Variants in EML6 observed in about 807,000 individuals in gnomAD.
EML6 encodes the protein EMAP like 6.
Under a neutral mutation model 240.1 loss-of-function variants are expected in EML6, and 154 were observed. The observed-to-expected ratio is 0.64, with a 90% confidence interval of 0.56 to 0.73. The LOEUF (loss-of-function observed/expected upper bound fraction) is 0.73. EML6 is among the 30% of genes least tolerant of loss of function. The probability of loss-of-function intolerance (pLI) is 0.00; values close to 1 mark genes in which losing one functional copy is unlikely to be tolerated. For missense variants in EML6, 2,964 were observed against 2,474.6 expected, an observed-to-expected ratio of 1.20 and a Z score of -4.20; for synonymous variants, 1,148 against 899.0, an observed-to-expected ratio of 1.28 and a Z score of -4.95.
chr2:54,886,935 C>T (rs1046888730), intron 17 of EML6, among the ~76,000 whole-genome samples: 1 of 152,158 alleles, frequency 6.6e-6, no homozygotes, highest in African/African-American at 2.4e-5. Context: ...AGGCAGTAGG[C>T]ATGGTCCTTC....
intron 4 of EML6, among the ~76,000 whole-genome samples, chr2:54,819,976 A>G (rs992086569): frequency 6.6e-6 from 1 of 152,146 alleles, no homozygotes; most frequent in African/African-American, 2.4e-5. Flanking sequence ...ATTAAATTGT[A>G]GTTAACTATT....
intron 2 of EML6, among the ~76,000 whole-genome samples, chr2:54,761,243 A>G (rs1667968553): frequency 6.6e-6 from 1 of 152,146 alleles, no homozygotes; most frequent in Non-Finnish European, 1.5e-5. Context: ...TTAATGTTAT[A>G]AACTTGAATT....
At chr2:54,824,682 C>T (rs1668503129) in intron 5 of EML6, among the ~76,000 whole-genome samples, 1 of 152,106 alleles carries the variant, frequency 6.6e-6, no homozygotes, top group South Asian at 2.1e-4. Flanking sequence ...TGAGCATCGG[C>T]TGCTTCACTG....
chr2:54,777,128 C>G (rs1324438075), intron 2 of EML6, among the ~76,000 whole-genome samples: 1 of 152,198 alleles, frequency 6.6e-6, no homozygotes, highest in African/African-American at 2.4e-5. Context: ...CCCAAAGACT[C>G]TAACCTACTG....
In EML6 at chr2:54,861,289, C is replaced by G. The variant is rs558760500; in HGVS notation, c.1825+1588C>G. 5.3e-5 allele frequency among the ~76,000 whole-genome samples: 8 copies of G among 152,206 alleles called. No homozygotes were observed. In the South Asian group the frequency reaches 6.2e-4, roughly 12 times the overall value. On this transcript the variant is annotated intron_variant, in intron 12 of 41. Transcript: ENST00000356458. ...CACCTTCTATAGCTCCCACCTGTCTCCTTAATGAACTAGCTCTGGAAATTG... is the reference window on the plus strand; with the variant it reads ...CACCTTCTATAGCTCCCACCTGTCTGCTTAATGAACTAGCTCTGGAAATTG...
chr2:54,947,128 C>T (rs995255035), intron 28 of EML6, among the ~76,000 whole-genome samples: 2 of 152,086 alleles, frequency 1.3e-5, no homozygotes, highest in Non-Finnish European at 2.9e-5. Context: ...TTCCAGTGTC[C>T]TCTTGCTCTC....
intron 2 of EML6, among the ~76,000 whole-genome samples, chr2:54,811,638 G>A (rs1389774278): frequency 6.6e-6 from 1 of 152,196 alleles, no homozygotes; most frequent in East Asian, 1.9e-4. Context: ...GTCCACAAGG[G>A]CCTGTTGAAT....
At chr2:54,810,480 A>T (rs1317012654) in intron 2 of EML6, among the ~76,000 whole-genome samples, 1 of 152,214 alleles carries the variant, frequency 6.6e-6, no homozygotes, top group Non-Finnish European at 1.5e-5. Context: ...GCAGTGATTT[A>T]TTATTTGCTT....
intron 17 of EML6, chr2:54,882,876 A>AAAGC (rs1348116614): frequency 1.4e-5 from 2 of 144,698 alleles, no homozygotes; most frequent in Admixed American, 7.0e-5. Flanking sequence ...AAAAAAAAAG[A>AAAGC]AAGCTTAGGG....
At chr2:54,865,685 G>GA (rs762163140) in intron 13 of EML6, among the ~76,000 whole-genome samples, 7 of 152,078 alleles carry the variant, frequency 4.6e-5, no homozygotes, top group Non-Finnish European at 1.0e-4. Flanking sequence ...TCCAAGATCT[G>GA]AAAAAAATCT....
intron 7 of EML6, among the ~76,000 whole-genome samples, chr2:54,840,020 A>C (rs1309705421): frequency 6.6e-6 from 1 of 152,280 alleles, no homozygotes. Flanking sequence ...CAATAAATAC[A>C]GTAAAAAAGT....
chr2:54,868,220 T>C (rs1671073486), intron 14 of EML6: 1 of 152,242 alleles, frequency 6.6e-6, no homozygotes, highest in Non-Finnish European at 1.5e-5. Flanking sequence ...GAGGATCATG[T>C]TATTTTTCTG....
chr2:54,829,594 G>T, intron 7 of EML6, 117 bp downstream of exon 7: 2 of 706,108 alleles, frequency 2.8e-6, no homozygotes. Context: ...TAAATATATT[G>T]AATACAAGCA....
At chr2:54,733,901 A>G (rs552525855) in intron 2 of EML6, among the ~76,000 whole-genome samples, 1 of 152,318 alleles carries the variant, frequency 6.6e-6, no homozygotes, top group African/African-American at 2.4e-5. Context: ...GAGAGAATAA[A>G]TGGCAACTTT....
intron 7 of EML6, among the ~76,000 whole-genome samples, chr2:54,831,640 G>A (rs1342894537): frequency 1.3e-5 from 2 of 152,264 alleles, no homozygotes; most frequent in Non-Finnish European, 2.9e-5. Context: ...CTGCCCTGTG[G>A]TGCCTGGGCT....
chr2:54,946,612 A>G (rs113097096), intron 28 of EML6, among the ~76,000 whole-genome samples: 105 of 152,336 alleles, frequency 6.9e-4, no homozygotes, highest in African/African-American at 2.4e-3. Flanking sequence ...ATGCCTGGAA[A>G]GAAGCTTTTA....
intron 4 of EML6, among the ~76,000 whole-genome samples, chr2:54,818,236 T>C (rs544241830): frequency 6.6e-6 from 1 of 152,336 alleles, no homozygotes; most frequent in Admixed American, 6.5e-5. Context: ...GTAATCACTT[T>C]GGCTTGTATA....
At chr2:54,743,984 G>T (rs1328695144) in intron 2 of EML6, among the ~76,000 whole-genome samples, 1 of 152,136 alleles carries the variant, frequency 6.6e-6, no homozygotes, top group African/African-American at 2.4e-5. Context: ...CATTTGGGTG[G>T]CCTCTAGGAG....
intron 17 of EML6, chr2:54,882,873 A>AAAAAAAAAAAAAAAAAAAAAGAG (rs796515025): frequency 5.3e-5 from 6 of 112,358 alleles, no homozygotes; most frequent in African/African-American, 2.1e-4. Flanking sequence ...AAAAAAAAAA[A>AAAAAAAAAAAAAAAAAAAAAGAG]AGAAAGCTTA....
Sources: allele counts gnomAD v4.1 joint callset (sites outside exome capture counted in the v4.1 genomes callset), GRCh38; gene constraint gnomAD v4.1.1; transcripts MANE v1.5; gene names NCBI Gene and HGNC (gene_info 2026-07-23, HGNC 2026-07-21).